ZNF292: variants seen among roughly 807,000 people sequenced by gnomAD.
ZNF292 encodes the protein zinc finger protein 292.
In ZNF292, 26 loss-of-function variants were observed where a neutral mutation model predicts 217.9. The observed-to-expected ratio is 0.12, with a 90% confidence interval of 0.09 to 0.17. The LOEUF is 0.17. Among genes scored for constraint, ZNF292 ranks in the 10% least tolerant of loss-of-function variants. The probability of loss-of-function intolerance (pLI) is 1.00; values close to 1 mark genes in which losing one functional copy is unlikely to be tolerated. For synonymous variants in ZNF292, 1,257 were observed against 1,124.1 expected (o/e 1.12, Z -2.37); for missense variants, 2,904 against 3,175.2 (o/e 0.91, Z 2.05).
At chr6:87,231,562 G>T (rs990924003) in intron 4 of ZNF292, among the ~76,000 whole-genome samples, 1 of 152,128 alleles carries the variant, frequency 6.6e-6, no homozygotes, top group Non-Finnish European at 1.5e-5. Flanking sequence ...TGTGGCAGTG[G>T]TTTCCCATCA....
At chr6:87,189,851 G>A (rs899924076) in intron 1 of ZNF292, among the ~76,000 whole-genome samples, 4 of 152,152 alleles carry the variant, frequency 2.6e-5, no homozygotes, top group Non-Finnish European at 4.4e-5. Context: ...CACTTAAGAG[G>A]TTAGGCTGTT....
At position 87,261,405 on chromosome 6, in the gene ZNF292, A is replaced by G. The variant is rs1476526292; in HGVS notation, c.7776A>G (p.Glu2592=). 1.9e-6 allele frequency: 3 copies of G among 1,611,986 alleles called. No homozygotes were observed. Among genetic ancestry groups the G allele is most frequent in the Non-Finnish European group, 2.5e-6 (3 of 1,179,018 alleles). Residue 2592 remains glutamate, a synonymous_variant, in exon 8 of 8, where the codon GAA becomes GAG. Coordinates refer to ENST00000369577, the MANE Select transcript of ZNF292 (RefSeq NM_015021.3). ...GCTCTTTTAAGCCAATGGGATTTGAAGTATCATTTCTGAAGTTTCTTGAGG... is the reference window on the plus strand; with the variant it reads ...GCTCTTTTAAGCCAATGGGATTTGAGGTATCATTTCTGAAGTTTCTTGAGG... ...DWSSFKPMGF[E]VSFLKFLEES...
chr6:87,262,437 T>G lies in ZNF292; in HGVS notation c.*636T>G, dbSNP rs1311096418. 1 of 151,990 alleles carries G rather than the reference T, an allele frequency of 6.6e-6. No homozygotes were observed. The highest frequency in any genetic ancestry group is 2.4e-5 in the African/African-American group (1 of 41,428). 9.4% of individuals were successfully genotyped at this position (151,990 alleles called of 1,614,324 possible). On this transcript the variant is annotated 3_prime_UTR_variant, in exon 8 of 8. Transcript: ENST00000369577. ...CAACACTTTGCTCTGCTTTGTAAAT[T>G]TGCCATCCAGGATTTTGGGGTGGTA...
intron 1 of ZNF292, among the ~76,000 whole-genome samples, chr6:87,204,112 T>G (rs1263911375): frequency 6.6e-6 from 1 of 152,186 alleles, no homozygotes; most frequent in Non-Finnish European, 1.5e-5. Context: ...TTGAGGGATA[T>G]TCTACAAAAT....
chr6:87,245,781 A>G, intron 7 of ZNF292, 137 bp downstream of exon 7: 1 of 576,466 alleles, frequency 1.7e-6, no homozygotes. Context: ...TTTTCTTGTT[A>G]GTCCTTTAAG....
intron 1 of ZNF292, among the ~76,000 whole-genome samples, chr6:87,189,281 T>G (rs1461131934): frequency 6.6e-6 from 1 of 152,004 alleles, no homozygotes; most frequent in African/African-American, 2.4e-5. Flanking sequence ...AGTTTTAAAT[T>G]TGTAGAAGCA....
chr6:87,229,113 C>T (rs970402084), intron 4 of ZNF292, among the ~76,000 whole-genome samples: 8 of 152,116 alleles, frequency 5.3e-5, no homozygotes, highest in Admixed American at 3.3e-4. Flanking sequence ...AATCTTTAGT[C>T]TACAGGTCTT....
chr6:87,253,944 A>G (rs1205511190), intron 7 of ZNF292, among the ~76,000 whole-genome samples: 1 of 152,196 alleles, frequency 6.6e-6, no homozygotes, highest in Admixed American at 6.5e-5. Flanking sequence ...CTATCTAATA[A>G]TAATAGTTCA....
In ZNF292 at chr6:87,260,514, A is replaced by G; in HGVS notation, c.6885A>G (p.Leu2295=). Residue 2295 remains leucine, a synonymous_variant, in exon 8 of 8, where the codon TTA becomes TTG. Transcript: ENST00000369577. ...HKAHLIRPRR[L]TPGQENMSSK... is the part of the protein sequence containing the mutation. ...CTCATTTGATTCGTCCAAGAAGATT[A>G]ACACCAGGCCAGGAAAATATGTCAA... is the stretch of plus-strand genomic sequence containing the variant. 1 of 1,613,564 alleles carries G rather than the reference A, an allele frequency of 6.2e-7. No individual in the cohort carries two copies.
At chr6:87,184,296 G>A (rs1193259758) in intron 1 of ZNF292, among the ~76,000 whole-genome samples, 1 of 152,104 alleles carries the variant, frequency 6.6e-6, no homozygotes, top group Non-Finnish European at 1.5e-5. Flanking sequence ...GTGAACTTTT[G>A]GAGAGTGGTG....
intron 5 of ZNF292, among the ~76,000 whole-genome samples, chr6:87,239,508 G>A (rs1774114734): frequency 2.0e-5 from 3 of 151,496 alleles, no homozygotes; most frequent in Non-Finnish European, 2.9e-5. Context: ...CTCCCTCCCT[G>A]ATGGGGCGGC....
intron 1 of ZNF292, among the ~76,000 whole-genome samples, chr6:87,160,841 T>A (rs1009507295): frequency 6.6e-6 from 1 of 152,110 alleles, no homozygotes; most frequent in African/African-American, 2.4e-5. Flanking sequence ...GTACTGGCAT[T>A]TAGTGCCCAT....
intron 1 of ZNF292, among the ~76,000 whole-genome samples, chr6:87,195,127 G>A (rs1188471117): frequency 6.6e-6 from 1 of 152,114 alleles, no homozygotes; most frequent in East Asian, 1.9e-4. Flanking sequence ...TTACAGATAG[G>A]CATCCCTGTT....
chr6:87,178,529 C>T (rs1771372753), intron 1 of ZNF292, among the ~76,000 whole-genome samples: 2 of 152,108 alleles, frequency 1.3e-5, no homozygotes, highest in African/African-American at 4.8e-5. Flanking sequence ...CTCTTATTAG[C>T]TTACATTTAT....
intron 1 of ZNF292, among the ~76,000 whole-genome samples, chr6:87,178,560 T>C (rs1157761703): frequency 6.6e-6 from 1 of 152,212 alleles, no homozygotes; most frequent in African/African-American, 2.4e-5. Flanking sequence ...TGCCAGGAAC[T>C]GTTACGTTTG....
At chr6:87,231,569 A>T (rs1230992755) in intron 4 of ZNF292, among the ~76,000 whole-genome samples, 1 of 152,208 alleles carries the variant, frequency 6.6e-6, no homozygotes, top group African/African-American at 2.4e-5. Flanking sequence ...GTGGTTTCCC[A>T]TCATTAAGAG....
rs1285804594 is a variant in ZNF292, at chr6:87,216,873, C to A, written c.402+496C>A. Among the ~76,000 whole-genome samples the A allele has an allele frequency of 2.6e-5, 4 of 152,050 alleles. No individual in the cohort carries two copies. In the East Asian group the frequency reaches 7.7e-4, roughly 29 times the overall value. Reference sequence around the variant, plus strand: ...GAACTAAGGTTCTTTATTCCAAAGCCCATGCCTTTTCTTCTGTCTGAAAAC... The same window carrying A: ...GAACTAAGGTTCTTTATTCCAAAGCACATGCCTTTTCTTCTGTCTGAAAAC... On this transcript the variant is annotated intron_variant, in intron 3 of 7. Coordinates refer to ENST00000369577, the MANE Select transcript of ZNF292 (RefSeq NM_015021.3).
In ZNF292 at chr6:87,263,800, C is replaced by T. The variant is rs1323028679; in HGVS notation, c.*1999C>T. The T allele has an allele frequency of 6.6e-6, 1 of 151,894 alleles. No individual in the cohort carries two copies. The highest frequency in any genetic ancestry group is 1.5e-5 in the Non-Finnish European group (1 of 67,950). 9.4% of individuals were successfully genotyped at this position (151,894 alleles called of 1,614,324 possible). ...TCCATACAGTTTTCTTAGAAATTGACCTAGCTCTTAAAGGTGGGCACTTGG... is the reference window on the plus strand; with the variant it reads ...TCCATACAGTTTTCTTAGAAATTGATCTAGCTCTTAAAGGTGGGCACTTGG... On this transcript the variant is annotated 3_prime_UTR_variant, in exon 8 of 8. Transcript: ENST00000369577.
Position 87,261,204 on chromosome 6 carries a change from A to G in ZNF292, c.7575A>G (p.Gln2525=), listed in dbSNP as rs1185944856. 3 of 1,611,040 alleles carry G rather than the reference A, an allele frequency of 1.9e-6. No individual in the cohort carries two copies. The highest frequency in any genetic ancestry group is 2.2e-5 in the East Asian group (1 of 44,872). The change falls in exon 8 of 8, where the codon CAA becomes CAG. Residue 2525 remains glutamine (Q), a synonymous_variant. Coordinates refer to ENST00000369577, the MANE Select transcript of ZNF292 (RefSeq NM_015021.3). The part of the protein sequence containing the change: ...QEDNLCQSER[Q]KASNLKRVNK... The stretch of plus-strand genomic sequence containing the variant: ...ATAACCTCTGCCAGTCAGAAAGACA[A>G]AAAGCAAGTAATTTGAAGAGAGTTA...
Sources: allele counts gnomAD v4.1 joint callset (sites outside exome capture counted in the v4.1 genomes callset), GRCh38; gene constraint gnomAD v4.1.1; transcripts MANE v1.5; gene names NCBI Gene and HGNC (gene_info 2026-07-23, HGNC 2026-07-21).